The following RBBP8 variants were observed in gnomAD, a reference collection of about 807,000 sequenced individuals.
RBBP8 encodes DNA endonuclease RBBP8.
A neutral mutation model predicts 108.3 loss-of-function variants in RBBP8; 88 were observed. The observed-to-expected ratio is 0.81, with a 90% CI of 0.68 to 0.97. The LOEUF (loss-of-function observed/expected upper bound fraction) is 0.97. RBBP8 is among the 50% of genes least tolerant of loss of function. RBBP8 has a pLI of 0.00. For synonymous variants in RBBP8, 332 were observed against 348.2 expected (o/e 0.95, Z 0.52); for missense variants, 1,023 against 1,049.0 (o/e 0.98, Z 0.34).
At chr18:22,981,731 T>C (rs973773991) in intron 6 of RBBP8, among the ~76,000 whole-genome samples, 7 of 152,244 alleles carry the variant, frequency 4.6e-5, no homozygotes, top group Admixed American at 6.5e-5. Context: ...TGGACTATTA[T>C]AGCCACTAAT....
At chr18:22,988,298 A>C (rs1915464035) in intron 8 of RBBP8, among the ~76,000 whole-genome samples, 1 of 152,192 alleles carries the variant, frequency 6.6e-6, no homozygotes, top group Non-Finnish European at 1.5e-5. Flanking sequence ...CATTGTCTAC[A>C]GGATAAATTT....
chr18:22,988,231 A>G (rs1049980987), intron 8 of RBBP8, among the ~76,000 whole-genome samples: 4 of 152,196 alleles, frequency 2.6e-5, no homozygotes, highest in Non-Finnish European at 5.9e-5. Flanking sequence ...ACAGCCACTA[A>G]TACCTTTTCA....
chr18:22,945,501 AG>A (rs1911478809), intron 2 of RBBP8, among the ~76,000 whole-genome samples: 1 of 151,860 alleles, frequency 6.6e-6, no homozygotes, highest in African/African-American at 2.4e-5. Flanking sequence ...GATTCTCCCC[AG>A]CCTCCCGAGT....
At chr18:22,976,188 T>C (rs532767166) in intron 6 of RBBP8, among the ~76,000 whole-genome samples, 2 of 152,268 alleles carry the variant, frequency 1.3e-5, no homozygotes, top group East Asian at 3.9e-4. Flanking sequence ...TTTAGGATAA[T>C]GGATATCCAA....
chr18:22,948,369 TTTTATTTA>T (rs951786918), intron 3 of RBBP8, among the ~76,000 whole-genome samples: 2 of 151,734 alleles, frequency 1.3e-5, no homozygotes, highest in South Asian at 2.1e-4. Flanking sequence ...GTAGGAAATA[TTTTATTTA>T]TTTATTTATT....
chr18:22,935,553 A>G (rs78714783), intron 1 of RBBP8, among the ~76,000 whole-genome samples: 5,874 of 152,258 alleles, frequency 0.039, 190 homozygotes, highest in East Asian at 0.082. Flanking sequence ...CGGTTCACCA[A>G]GTGGCTTCAC....
At chr18:22,994,245 G>T (rs961405224) in intron 12 of RBBP8, among the ~76,000 whole-genome samples, 1 of 148,538 alleles carries the variant, frequency 6.7e-6, no homozygotes, top group African/African-American at 2.5e-5. Flanking sequence ...GGATGGTCTA[G>T]ATCTCCTGAC....
chr18:22,968,836 A>T lies in RBBP8; in HGVS notation c.279A>T (p.Ala93=). ...RLRAGLCDRC[A]VTEEHMRKKQ... ...GAGCAGGCTTATGTGATCGCTGTGC[A>T]GTAACTGAAGAACATATGCGGAAAA... The change falls in exon 5 of 19, where the codon GCA becomes GCT. Residue 93 remains alanine, a synonymous_variant. Coordinates refer to ENST00000327155, the MANE Select transcript of RBBP8 (RefSeq NM_002894.3). 6.2e-7 allele frequency: 1 copy of T among 1,613,626 alleles called. No homozygotes were observed. The highest frequency in any genetic ancestry group is 1.3e-5 in the African/African-American group (1 of 75,048).
chr18:22,982,573 G>A (rs905458437), intron 7 of RBBP8, among the ~76,000 whole-genome samples, 180 bp downstream of exon 7: 2 of 152,064 alleles, frequency 1.3e-5, no homozygotes, highest in African/African-American at 4.8e-5. Context: ...CCCGTGTTAT[G>A]TATAGATACG....
At chr18:22,955,195 G>T (rs1353505570) in intron 4 of RBBP8, among the ~76,000 whole-genome samples, 1 of 151,938 alleles carries the variant, frequency 6.6e-6, no homozygotes, top group African/African-American at 2.4e-5. Context: ...ACATCCTCAG[G>T]TACATGGGCC....
At chr18:22,962,662 TC>T (rs750445176) in intron 4 of RBBP8, among the ~76,000 whole-genome samples, 2 of 150,984 alleles carry the variant, frequency 1.3e-5, no homozygotes, top group African/African-American at 2.4e-5. Context: ...GTTCAAGTGA[TC>T]CCCCCGAGCT....
chr18:22,982,752 C>T (rs1915024832), intron 7 of RBBP8, among the ~76,000 whole-genome samples: 1 of 152,074 alleles, frequency 6.6e-6, no homozygotes, highest in South Asian at 2.1e-4. Context: ...AGGTATTATG[C>T]TGAGTGATTT....
At position 23,008,769 on chromosome 18, in the gene RBBP8, A is replaced by ATTTT. The variant is rs71161355; in HGVS notation, c.2357+2356_2357+2359dup. On this transcript the variant is annotated intron_variant, in intron 16 of 18. Transcript: ENST00000327155. The stretch of plus-strand genomic sequence containing the variant: ...GAAAAAGATTTTTTGTATGACTTTG[A>ATTTT]TTTTTTTTTTTTTTTTTTTTTTGAG... Among the ~76,000 whole-genome samples, 118 of 99,992 alleles carry ATTTT rather than the reference A, an allele frequency of 1.2e-3. 1 individual carries two copies. The highest frequency in any genetic ancestry group is 2.6e-3 in the African/African-American group (63 of 24,612). 65.6% of individuals were successfully genotyped at this position (99,992 alleles called of 152,430 possible). A position where few individuals can be genotyped will look rare whatever the true frequency, so the allele number is the denominator to read the frequency against.
chr18:22,920,898 G>C (rs547741314), intron 3 of RBBP8: 1 of 152,144 alleles, frequency 6.6e-6, no homozygotes, highest in African/African-American at 2.4e-5. Context: ...GCAAGTGAGT[G>C]AATCTTTTCA....
At chr18:22,962,062 C>T (rs1913147285) in intron 4 of RBBP8, among the ~76,000 whole-genome samples, 1 of 152,222 alleles carries the variant, frequency 6.6e-6, no homozygotes, top group Non-Finnish European at 1.5e-5. Flanking sequence ...TTAGGTAACA[C>T]ATTCCATCCT....
rs748409271 is a variant in RBBP8, at chr18:23,006,340, T to C, written c.2288-23T>C. 3.1e-6 allele frequency: 5 copies of C among 1,593,428 alleles called. No homozygotes were observed. In the Admixed American group the frequency reaches 8.3e-5, roughly 27 times the overall value. ...CTCATTAAGTTCTACATTTAGTTTG[T>C]AATGTGCATGTTTTATTTATAGCTC... is the stretch of plus-strand genomic sequence containing the variant. On this transcript the variant is annotated intron_variant, in intron 15 of 18. Coordinates refer to ENST00000327155, the MANE Select transcript of RBBP8 (RefSeq NM_002894.3).
intron 16 of RBBP8, among the ~76,000 whole-genome samples, chr18:23,013,402 A>G (rs1366120232): frequency 1.3e-5 from 2 of 152,200 alleles, no homozygotes; most frequent in African/African-American, 4.8e-5. Context: ...CACAAGATCA[A>G]TTGAACCAGT....
intron 9 of RBBP8, 62 bp from the exon 10 acceptor site, chr18:22,990,875 A>C: frequency 1.6e-6 from 2 of 1,262,548 alleles, no homozygotes; most frequent in Non-Finnish European, 2.3e-6. Flanking sequence ...TCAGTACTTC[A>C]TCCCTTTTTA....
intron 6 of RBBP8, among the ~76,000 whole-genome samples, chr18:22,977,165 T>C (rs141875089): frequency 5.4e-4 from 82 of 152,068 alleles, no homozygotes; most frequent in African/African-American, 1.9e-3. Flanking sequence ...CTTCTGTAGC[T>C]TGGTCGCAAA....
Sources: allele counts gnomAD v4.1 joint callset (sites outside exome capture counted in the v4.1 genomes callset), GRCh38; gene constraint gnomAD v4.1.1; transcripts MANE v1.5; gene names NCBI Gene and HGNC (gene_info 2026-07-23, HGNC 2026-07-21).